The following ZNF365 variants were observed in gnomAD, a reference collection of about 807,000 sequenced individuals.
ZNF365 encodes zinc finger protein 365.
ZNF365 carries 22 observed loss-of-function variants against 35.0 expected under a neutral mutation model. That is an observed-to-expected ratio of 0.63 (90% CI 0.45 to 0.90). The LOEUF (loss-of-function observed/expected upper bound fraction) is 0.90, where lower values mean the gene tolerates loss of function less well. Among genes scored for constraint, ZNF365 ranks in the 40% least tolerant of loss-of-function variants. The pLI is 0.00. For synonymous variants in ZNF365, 188 were observed against 196.2 expected, an observed-to-expected ratio of 0.96 and a Z score of 0.35; for missense variants, 448 against 500.3, an observed-to-expected ratio of 0.90 and a Z score of 1.00.
intron 3 of ZNF365, among the ~76,000 whole-genome samples, chr10:62,438,275 G>T (rs1426669761): frequency 6.6e-6 from 1 of 150,486 alleles, no homozygotes; most frequent in Non-Finnish European, 1.5e-5. Flanking sequence ...TGCAACCTCC[G>T]CCTCCCAGGC....
At chr10:62,430,511 T>C (rs2132455793) in intron 3 of ZNF365, among the ~76,000 whole-genome samples, 1 of 152,274 alleles carries the variant, frequency 6.6e-6, no homozygotes, top group East Asian at 1.9e-4. Context: ...CCCATCTTCC[T>C]AAAAAGGGGA....
chr10:62,375,836 A>C, intron 1 of ZNF365: 1 of 219,746 alleles, frequency 4.6e-6, no homozygotes, highest in Non-Finnish European at 9.1e-6. Context: ...TGGAGAGGGA[A>C]TGTTACCCAC....
At chr10:62,472,994 T>TA (rs1317599722) in intron 4 of ZNF365, among the ~76,000 whole-genome samples, 1 of 152,200 alleles carries the variant, frequency 6.6e-6, no homozygotes, top group East Asian at 1.9e-4. Context: ...CTGTGACCTG[T>TA]ATCTTATATT....
chr10:62,442,168 A>G (rs1323334849), intron 3 of ZNF365, among the ~76,000 whole-genome samples: 1 of 152,170 alleles, frequency 6.6e-6, no homozygotes, highest in Non-Finnish European at 1.5e-5. Flanking sequence ...TTTTCGTTTT[A>G]CTGGGGGATC....
chr10:62,448,463 G>A (rs1230979676), intron 3 of ZNF365, among the ~76,000 whole-genome samples: 4 of 152,152 alleles, frequency 2.6e-5, no homozygotes, highest in Admixed American at 2.6e-4. Context: ...AAATAATGTC[G>A]AAAGTATTGC....
rs1027105382 is a variant in ZNF365, at chr10:62,451,120, A to G, written c.925-8621A>G. On this transcript the variant is annotated intron_variant, in intron 3 of 4. Coordinates refer to the ZNF365 transcript ENST00000395255. ...AAAAACAATGGCTACAGAATGAGGA[A>G]GGCTGAGTTGTGAGCAAACTCGTGC... 2.0e-5 allele frequency among the ~76,000 whole-genome samples: 3 copies of G among 152,196 alleles called. No homozygotes were observed. In the East Asian group the frequency reaches 5.8e-4, roughly 29 times the overall value.
chr10:62,383,979 G>A (rs1305999950), intron 2 of ZNF365, among the ~76,000 whole-genome samples: 1 of 151,362 alleles, frequency 6.6e-6, no homozygotes, highest in East Asian at 1.9e-4. Flanking sequence ...AAATCATTCT[G>A]CATAATAATG....
chr10:62,383,658 G>C (rs954351249), intron 2 of ZNF365, among the ~76,000 whole-genome samples: 3 of 152,226 alleles, frequency 2.0e-5, no homozygotes, highest in African/African-American at 7.2e-5. Flanking sequence ...GTGCGTGAAC[G>C]CATATTTCCA....
chr10:62,404,066 G>C (rs563431800), downstream of ZNF365, among the ~76,000 whole-genome samples: 1 of 152,292 alleles, frequency 6.6e-6, no homozygotes, highest in African/African-American at 2.4e-5. Context: ...TAAGAAAAGA[G>C]TATTCGAACT....
intron 3 of ZNF365, 41 bp from the exon 4 acceptor site, chr10:62,398,699 T>C: frequency 1.3e-6 from 2 of 1,591,894 alleles, no homozygotes; most frequent in Non-Finnish European, 1.7e-6. Flanking sequence ...AATCCAGTCC[T>C]CAAATGCAGT....
At chr10:62,388,084 C>T (rs1011213154) in intron 2 of ZNF365, among the ~76,000 whole-genome samples, 2 of 152,200 alleles carry the variant, frequency 1.3e-5, no homozygotes, top group African/African-American at 4.8e-5. Flanking sequence ...TCGTTTCTAA[C>T]TTTGCTTTTT....
intron 3 of ZNF365, among the ~76,000 whole-genome samples, chr10:62,430,636 G>A (rs973636059): frequency 1.3e-5 from 2 of 152,162 alleles, no homozygotes; most frequent in Non-Finnish European, 2.9e-5. Flanking sequence ...GAGAAAACAG[G>A]AAATGGTATT....
intron 3 of ZNF365, among the ~76,000 whole-genome samples, chr10:62,459,294 C>G (rs1165222058): frequency 3.3e-5 from 5 of 152,116 alleles, no homozygotes; most frequent in Admixed American, 3.3e-4. Flanking sequence ...TCTTGGACTC[C>G]ATTCAGAGGC....
intron 1 of ZNF365, chr10:62,375,460 C>T (rs1372654666): frequency 1.3e-5 from 2 of 152,176 alleles, no homozygotes; most frequent in South Asian, 2.1e-4. Context: ...GTTATTGTTA[C>T]GATTAGCACT....
At chr10:62,466,088 A>T (rs1183380628) in intron 4 of ZNF365, among the ~76,000 whole-genome samples, 1 of 152,044 alleles carries the variant, frequency 6.6e-6, no homozygotes, top group Non-Finnish European at 1.5e-5. Context: ...CTCTGTGCAC[A>T]CCCCTACTCA....
intron 3 of ZNF365, among the ~76,000 whole-genome samples, chr10:62,434,525 T>C (rs1171496955): frequency 3.9e-5 from 6 of 152,154 alleles, no homozygotes; most frequent in South Asian, 2.1e-4. Context: ...GCATTTTCTC[T>C]CTGGCATATT....
chr10:62,477,088 G>C (rs1163733536), intron 4 of ZNF365, among the ~76,000 whole-genome samples: 1 of 152,184 alleles, frequency 6.6e-6, no homozygotes, highest in Non-Finnish European at 1.5e-5. Flanking sequence ...ATTAAAAAGT[G>C]GAGCCAGACT....
downstream of ZNF365, among the ~76,000 whole-genome samples, chr10:62,403,588 G>C (rs1347381640): frequency 6.6e-6 from 1 of 152,222 alleles, no homozygotes; most frequent in Non-Finnish European, 1.5e-5. Context: ...AACCCGGGAA[G>C]CGGAGCTTGC....
chr10:62,424,947 T>C (rs1840229455), intron 3 of ZNF365, among the ~76,000 whole-genome samples: 2 of 152,198 alleles, frequency 1.3e-5, no homozygotes. Context: ...GGCTAGAGAA[T>C]GGCTGTTGGC....
Sources: allele counts gnomAD v4.1 joint callset (sites outside exome capture counted in the v4.1 genomes callset), GRCh38; gene constraint gnomAD v4.1.1; transcripts MANE v1.5; gene names NCBI Gene and HGNC (gene_info 2026-07-23, HGNC 2026-07-21).